Variants in ABCD3 observed in about 807,000 individuals in gnomAD.
The protein encoded by ABCD3 is ATP binding cassette subfamily D member 3, also known as ATP-binding cassette sub-family D member 3.
Under a neutral mutation model 105.5 loss-of-function variants are expected in ABCD3, and 41 were observed. The observed-to-expected ratio is 0.39, with a 90% confidence interval of 0.30 to 0.50. ABCD3 has a LOEUF of 0.50. Ranked by LOEUF, ABCD3 falls within the 20% of genes least tolerant of loss-of-function variation. The probability of loss-of-function intolerance (pLI) is 0.84; values close to 1 mark genes in which losing one functional copy is unlikely to be tolerated. For synonymous variants in ABCD3, 258 were observed against 269.0 expected (o/e 0.96, Z 0.40); for missense variants, 622 against 806.3 (o/e 0.77, Z 2.77).
intron 1 of ABCD3, among the ~76,000 whole-genome samples, chr1:94,444,079 A>T (rs1290580666): frequency 1.3e-5 from 2 of 151,966 alleles, no homozygotes; most frequent in African/African-American, 4.8e-5. Context: ...CATGCCTGTA[A>T]TCCCAGCACT....
chr1:94,436,816 G>A (rs1237250919), intron 1 of ABCD3, among the ~76,000 whole-genome samples: 1 of 152,188 alleles, frequency 6.6e-6, no homozygotes, highest in East Asian at 1.9e-4. Flanking sequence ...GTGCCAGTTA[G>A]CCAAGTTGTG....
chr1:94,438,297 C>CAT (rs1280258914), intron 1 of ABCD3, among the ~76,000 whole-genome samples: 487 of 92,464 alleles, frequency 5.3e-3, no homozygotes, highest in Middle Eastern at 0.017. Flanking sequence ...CACACACACA[C>CAT]ACATACACAC....
intron 1 of ABCD3, among the ~76,000 whole-genome samples, chr1:94,441,757 G>A (rs911440476): frequency 2.6e-5 from 4 of 152,134 alleles, no homozygotes; most frequent in Non-Finnish European, 5.9e-5. Context: ...TATCTTTTAT[G>A]TAAGAAAGAA....
chr1:94,391,235 C>G, the ABCD3 span, among the ~76,000 whole-genome samples: 1 of 152,122 alleles, frequency 6.6e-6, no homozygotes, highest in African/African-American at 2.4e-5. Context: ...TTCACCAGCT[C>G]TTGATGTATT....
chr1:94,448,460 G>A (rs1423720673), intron 1 of ABCD3, among the ~76,000 whole-genome samples: 1 of 152,230 alleles, frequency 6.6e-6, no homozygotes, highest in Non-Finnish European at 1.5e-5. Context: ...TTTTACAGAT[G>A]GGTCTAGTAA....
the ABCD3 span, among the ~76,000 whole-genome samples, chr1:94,401,004 C>A: frequency 2.0e-5 from 3 of 152,262 alleles, no homozygotes; most frequent in South Asian, 6.2e-4. Flanking sequence ...TGCTCAGTCA[C>A]CTTGCTATGT....
chr1:94,499,754 T>C, intron 20 of ABCD3, 140 bp downstream of exon 20: 2 of 1,064,318 alleles, frequency 1.9e-6, no homozygotes, highest in East Asian at 2.7e-5. Flanking sequence ...ATAAAAGTGC[T>C]TGAAAATCTT....
chr1:94,405,077 A>T, the ABCD3 span, among the ~76,000 whole-genome samples: 10 of 152,166 alleles, frequency 6.6e-5, no homozygotes, highest in African/African-American at 2.4e-4. Flanking sequence ...TTTGTGTTCA[A>T]TATTATGCTA....
chr1:94,495,576 G>C lies in ABCD3; in HGVS notation c.1387-3026G>C, dbSNP rs575910769. ...GAGTAGGTTAGCCAGGCTTGATTTAGAGCATAAAAGGATAACTCAGGATTT... is the reference window on the plus strand; with the variant it reads ...GAGTAGGTTAGCCAGGCTTGATTTACAGCATAAAAGGATAACTCAGGATTT... On this transcript the variant is annotated intron_variant, in intron 16 of 22. Transcript: ENST00000370214. Among the ~76,000 whole-genome samples the C allele has an allele frequency of 3.3e-5, 5 of 152,250 alleles. No homozygotes were observed. The South Asian group carries it at 1.0e-3, about 32-fold the overall frequency.
chr1:94,483,253 C>T lies in ABCD3; in HGVS notation c.897+14C>T. ...TTCCGAAAACTGGTAAGATAACACA[C>T]TTGAGGTTCATGTGTTTATGGAAAG... On this transcript the variant is annotated intron_variant, in intron 10 of 22. Coordinates refer to ENST00000370214, the MANE Select transcript of ABCD3 (RefSeq NM_002858.4). 6.2e-7 allele frequency: 1 copy of T among 1,604,370 alleles called. No homozygotes were observed. Among genetic ancestry groups the T allele is most frequent in the East Asian group, 2.2e-5 (1 of 44,742 alleles).
intron 20 of ABCD3, among the ~76,000 whole-genome samples, chr1:94,505,954 A>C (rs1258604435): frequency 6.6e-6 from 1 of 152,240 alleles, no homozygotes; most frequent in Admixed American, 6.5e-5. Flanking sequence ...ACATGGGAAC[A>C]TAAATGTAGG....
intron 1 of ABCD3, among the ~76,000 whole-genome samples, chr1:94,436,381 A>G (rs1007215005): frequency 6.6e-6 from 1 of 152,226 alleles, no homozygotes; most frequent in Non-Finnish European, 1.5e-5. Flanking sequence ...TTACACACTC[A>G]GTGTTCTCCA....
chr1:94,452,295 C>T (rs750296477), intron 1 of ABCD3, among the ~76,000 whole-genome samples: 2 of 152,122 alleles, frequency 1.3e-5, no homozygotes, highest in Non-Finnish European at 2.9e-5. Context: ...ATGAAGAGTC[C>T]TTTAAAGCAA....
intron 21 of ABCD3, among the ~76,000 whole-genome samples, chr1:94,507,038 G>A (rs1340304173): frequency 1.3e-5 from 2 of 151,830 alleles, no homozygotes; most frequent in East Asian, 1.9e-4. Context: ...TGTGCAAAAT[G>A]TGCAGGTTAG....
At chr1:94,455,850 G>A (rs892438195) in intron 1 of ABCD3, 22 of 1,262,796 alleles carry the variant, frequency 1.7e-5, no homozygotes, top group Admixed American at 2.5e-5. Flanking sequence ...TGTGAGCATC[G>A]TACTGCATGA....
chr1:94,508,074 T>A (rs897986681), intron 21 of ABCD3, among the ~76,000 whole-genome samples: 37 of 151,558 alleles, frequency 2.4e-4, no homozygotes, highest in African/African-American at 8.9e-4. Context: ...CCCATGCCTA[T>A]GTCCTGAATG....
At chr1:94,511,801 G>T (rs1409136042) in intron 21 of ABCD3, among the ~76,000 whole-genome samples, 2 of 151,954 alleles carry the variant, frequency 1.3e-5, no homozygotes, top group African/African-American at 4.8e-5. Flanking sequence ...TGAGGCTTCT[G>T]CATTCTTCAC....
At chr1:94,482,753 A>G (rs998244595) in intron 9 of ABCD3, 2 of 190,996 alleles carry the variant, frequency 1.0e-5, no homozygotes, top group East Asian at 1.4e-4. Flanking sequence ...ATGTCAAGTC[A>G]TCACTATCCA....
chr1:94,426,848 ATTTTTTTTTT>A (rs67942477), intron 1 of ABCD3, among the ~76,000 whole-genome samples: 1 of 131,618 alleles, frequency 7.6e-6, no homozygotes, highest in Admixed American at 7.6e-5. Context: ...CCCAGCCTGA[ATTTTTTTTTT>A]TTTTTTTTTT....
Sources: allele counts gnomAD v4.1 joint callset (sites outside exome capture counted in the v4.1 genomes callset), GRCh38; gene constraint gnomAD v4.1.1; transcripts MANE v1.5; gene names NCBI Gene and HGNC (gene_info 2026-07-23, HGNC 2026-07-21).